The following CLUH variants were observed in gnomAD, a reference collection of about 807,000 sequenced individuals.
CLUH encodes clustered mitochondria protein homolog.
A neutral mutation model predicts 139.3 loss-of-function variants in CLUH; 77 were observed. The ratio of observed to expected loss-of-function variants is 0.55; its 90% CI spans 0.46 to 0.67. The LOEUF is 0.67. CLUH is among the 30% of genes least tolerant of loss of function. The pLI is 0.00. For synonymous variants in CLUH, 999 were observed against 801.6 expected (o/e 1.25, Z -4.16); for missense variants, 1,876 against 1,875.8 (o/e 1.00, Z 0.00).
In CLUH at chr17:2,701,143, T is replaced by G. The variant is rs1440666732; in HGVS notation, c.1022A>C (p.Lys341Thr). 1 of 1,613,928 alleles carries G rather than the reference T, an allele frequency of 6.2e-7. No homozygotes were observed. Among genetic ancestry groups the G allele is most frequent in the Non-Finnish European group, 8.5e-7 (1 of 1,179,876 alleles). Residue 341 changes from lysine (K) to threonine (T), a missense_variant, in exon 7 of 26, where the codon AAA becomes ACA. Lys to Thr is a moderately conservative substitution (Grantham distance 78, BLOSUM62 -1). Around this residue, in one of 3 missense-constraint regions of CLUH, gnomAD observed 270 missense variants for 354.7 expected, o/e 0.76. Coordinates refer to ENST00000651024, the MANE Select transcript of CLUH (RefSeq NM_001366661.1). Reference sequence around the variant, plus strand: ...CGGGAGGGGACAAAGGCACTACCTTTTCTTCTGCAGCACAGCGAAGTTCTT... The same window carrying G: ...CGGGAGGGGACAAAGGCACTACCTTGTCTTCTGCAGCACAGCGAAGTTCTT... Reference protein sequence around the residue: ...FKKNFAVLQKKRVQRHPFERI... With the variant: ...FKKNFAVLQKTRVQRHPFERI...
intron 13 of CLUH, 192 bp downstream of exon 13, chr17:2,695,967 T>G: frequency 1.7e-6 from 1 of 599,516 alleles, no homozygotes; most frequent in East Asian, 2.8e-5. Context: ...GCCCACACGG[T>G]GGGCTCAGCA....
chr17:2,692,486 G>A lies in CLUH; in HGVS notation c.3439-4C>T, dbSNP rs1484712774. The A allele has an allele frequency of 6.3e-7, 1 of 1,597,252 alleles. No individual in the cohort carries two copies. The highest frequency in any genetic ancestry group is 8.5e-7 in the Non-Finnish European group (1 of 1,175,476). On this transcript the variant is annotated splice_polypyrimidine_tract_variant and splice_region_variant and intron_variant, in intron 21 of 25. Coordinates refer to ENST00000651024, the MANE Select transcript of CLUH (RefSeq NM_001366661.1). ...GCAGCACCAGCCCGATGTTGTTCTG[G>A]GGGCAGGCGGTGGGGGGCCCTGGTC...
Position 2,698,039 on chromosome 17 carries a change from G to T in CLUH, c.1818C>A (p.Arg606=). The change falls in exon 10 of 26, where the codon CGC becomes CGA. Residue 606 remains arginine (R), a synonymous_variant. Transcript: ENST00000651024. ...GGAAGTTGAGGTCCGGGGGGAAGGT[G>T]CGCAGCAGGTCGAGGATGTAGTGGC... ...DGRHYILDLL[R]TFPPDLNFLP... is the part of the protein sequence containing the mutation. The T allele has an allele frequency of 6.2e-7, 1 of 1,606,092 alleles. No individual in the cohort carries two copies. Among genetic ancestry groups the T allele is most frequent in the Non-Finnish European group, 8.5e-7 (1 of 1,179,100 alleles).
At position 2,692,872 on chromosome 17, in the gene CLUH, C is replaced by G. The variant is rs2151694499; in HGVS notation, c.3232-12G>C. On this transcript the variant is annotated splice_polypyrimidine_tract_variant and intron_variant, in intron 19 of 25. Coordinates refer to ENST00000651024, the MANE Select transcript of CLUH (RefSeq NM_001366661.1). Reference sequence around the variant, plus strand: ...TGGTTACTCAGGGCCTGGGGAGAGACAGTGGTGGTTGCCGCGGCGTGGGAA... The same window carrying G: ...TGGTTACTCAGGGCCTGGGGAGAGAGAGTGGTGGTTGCCGCGGCGTGGGAA... 3 of 1,573,968 alleles carry G rather than the reference C, an allele frequency of 1.9e-6. No individual in the cohort carries two copies. The highest frequency in any genetic ancestry group is 2.3e-5 in the East Asian group (1 of 44,290).
chr17:2,694,452 C>T lies in CLUH; in HGVS notation c.2937+28G>A, dbSNP rs769350670. 18 of 1,539,902 alleles carry T rather than the reference C, an allele frequency of 1.2e-5. No homozygotes were observed. The South Asian group carries it at 1.8e-4, about 15-fold the overall frequency. On this transcript the variant is annotated intron_variant, in intron 17 of 25. Transcript: ENST00000651024. ...ACGCAGCGGGGACACAGCGGGGACACAGCGGGGATGCTGTGAGCCATGCCC... is the reference window on the plus strand; with the variant it reads ...ACGCAGCGGGGACACAGCGGGGACATAGCGGGGATGCTGTGAGCCATGCCC...
chr17:2,697,200 C>G (rs1343683784), intron 10 of CLUH, among the ~76,000 whole-genome samples: 1 of 152,110 alleles, frequency 6.6e-6, no homozygotes, highest in Non-Finnish European at 1.5e-5. Context: ...GAGTTCGAGA[C>G]CAGCCTGACC....
rs759649141 is a variant in CLUH, at chr17:2,692,389, C to T, written c.3532G>A (p.Gly1178Arg). The change falls in exon 22 of 26, where the codon GGG (glycine) becomes AGG (arginine). Residue 1178 changes from glycine to arginine, a missense_variant. Coordinates refer to ENST00000651024, the MANE Select transcript of CLUH (RefSeq NM_001366661.1). ...AGGGCCACCTTGAGGGCCTTGGGCC[C>T]GTGGTACTTGGTGCTGACGGCCAGC... Reference protein sequence around the residue: ...NALAVSTKYHGPKALKVALSH... With the variant: ...NALAVSTKYHRPKALKVALSH... The T allele has an allele frequency of 1.9e-6, 3 of 1,593,128 alleles. No individual in the cohort carries two copies. Among genetic ancestry groups the T allele is most frequent in the South Asian group, 1.1e-5 (1 of 89,816 alleles).
Position 2,698,150 on chromosome 17 carries a change from C to T in CLUH, c.1707G>A (p.Leu569=). ...LERTSRPLKI[L]RHQVLNDRDE... Reference sequence around the variant, plus strand: ...CACGGTCGTTGAGCACCTGGTGCCGCAGGATCTTGAGGGGCCGACTCGTGC... The same window carrying T: ...CACGGTCGTTGAGCACCTGGTGCCGTAGGATCTTGAGGGGCCGACTCGTGC... Residue 569 remains leucine (L), a synonymous_variant, in exon 10 of 26, where the codon CTG becomes CTA. Transcript: ENST00000651024. 6.3e-7 allele frequency: 1 copy of T among 1,581,450 alleles called. No individual in the cohort carries two copies.
At position 2,691,975 on chromosome 17, in the gene CLUH, CCCGCCCCCG is replaced by C. The variant is rs779845223; in HGVS notation, c.3654+20_3654+28del. 3 of 596,746 alleles carry C rather than the reference CCCGCCCCCG, an allele frequency of 5.0e-6. No homozygotes were observed. The South Asian group carries it at 1.4e-4, about 28-fold the overall frequency. The allele number at this position is 596,746 out of a possible 1,614,324, so 37.0% of individuals were successfully genotyped here. A position where few individuals can be genotyped will look rare whatever the true frequency, so the allele number is the denominator to read the frequency against. On this transcript the variant is annotated intron_variant, in intron 23 of 25. Transcript: ENST00000651024. ...CGCCCCGCCACGCCCCCGCCCCGCC[CCCGCCCCCG>C]CCACGCCCCCGCCGCGCACCTGCGT...
chr17:2,692,862 TG>T lies in CLUH; in HGVS notation c.3232-3del. On this transcript the variant is annotated splice_region_variant and splice_polypyrimidine_tract_variant and intron_variant, in intron 19 of 25. Coordinates refer to ENST00000651024, the MANE Select transcript of CLUH (RefSeq NM_001366661.1). The stretch of plus-strand genomic sequence containing the variant: ...CGCCTTCTGCTGGTTACTCAGGGCC[TG>T]GGGAGAGACAGTGGTGGTTGCCGCG... The T allele has an allele frequency of 6.3e-7, 1 of 1,588,258 alleles. No individual in the cohort carries two copies. Among genetic ancestry groups the T allele is most frequent in the East Asian group, 2.3e-5 (1 of 44,432 alleles).
At chr17:2,692,736 C>T in intron 20 of CLUH, 40 bp from the exon 21 acceptor site, 1 of 1,601,014 alleles carries the variant, frequency 6.2e-7, no homozygotes, top group African/African-American at 1.3e-5. Flanking sequence ...GGCCGCGGAC[C>T]CAGCCCCTCG....
chr17:2,700,269 C>CT, intron 9 of CLUH, 113 bp downstream of exon 9: 1 of 973,222 alleles, frequency 1.0e-6, no homozygotes, highest in Non-Finnish European at 1.5e-6. Flanking sequence ...TTCGGGGAAC[C>CT]TGACAGGGTT....
Position 2,692,875 on chromosome 17 carries a change from TG to T in CLUH, c.3232-16del. On this transcript the variant is annotated splice_polypyrimidine_tract_variant and intron_variant, in intron 19 of 25. Coordinates refer to ENST00000651024, the MANE Select transcript of CLUH (RefSeq NM_001366661.1). ...TTACTCAGGGCCTGGGGAGAGACAG[TG>T]GTGGTTGCCGCGGCGTGGGAACCCC... 6.4e-7 allele frequency: 1 copy of T among 1,568,728 alleles called. No homozygotes were observed.
At chr17:2,692,127 A>T in intron 22 of CLUH, 30 bp from the exon 23 acceptor site, 1 of 1,567,554 alleles carries the variant, frequency 6.4e-7, no homozygotes, top group Non-Finnish European at 8.7e-7. Flanking sequence ...GGGGCGAGGG[A>T]AGGGCATAAG....
At position 2,696,918 on chromosome 17, in the gene CLUH, G is replaced by A. The variant is rs370388930; in HGVS notation, c.1986C>T (p.Ala662=). ...CGTTCTGCTGCATCAGCTGCAAGGC[G>A]GCCAGCTTCATAAAGAGGAGGTACC... The part of the protein sequence containing the change: ...EHRYLLFMKL[A]ALQLMQQNAS... Residue 662 remains alanine, a synonymous_variant, in exon 11 of 26, where the codon GCC becomes GCT. Coordinates refer to ENST00000651024, the MANE Select transcript of CLUH (RefSeq NM_001366661.1). The A allele has an allele frequency of 2.5e-5, 40 of 1,601,534 alleles. No individual in the cohort carries two copies. The African/African-American group carries it at 2.8e-4, about 11-fold the overall frequency.
chr17:2,704,321 A>C lies in CLUH; in HGVS notation c.303+41T>G. The C allele has an allele frequency of 6.3e-7, 1 of 1,579,486 alleles. No individual in the cohort carries two copies. The highest frequency in any genetic ancestry group is 8.6e-7 in the Non-Finnish European group (1 of 1,160,030). On this transcript the variant is annotated intron_variant, in intron 2 of 25. Transcript: ENST00000651024. The surrounding 1 kb of genome is among the most constrained non-coding windows in gnomAD (Gnocchi z 5.7). The stretch of plus-strand genomic sequence containing the variant: ...AGCTTTCCAGCTCACCCTCCCCAGC[A>C]GGCTCAGGCCTGGCCCCCAGCACCC...
chr17:2,691,242 C>G (rs528963913), intron 25 of CLUH, among the ~76,000 whole-genome samples: 1 of 152,314 alleles, frequency 6.6e-6, no homozygotes, highest in East Asian at 1.9e-4. Context: ...AAGGTCTTCA[C>G]TCGCGGAATG....
chr17:2,696,091 G>A (rs376080451), intron 13 of CLUH, 68 bp downstream of exon 13: 2 of 1,295,150 alleles, frequency 1.5e-6, no homozygotes, highest in Non-Finnish European at 2.2e-6. Context: ...GGGCCTCCAA[G>A]TCGGAGACAG....
intron 1 of CLUH, among the ~76,000 whole-genome samples, chr17:2,705,073 C>A (rs980545713): frequency 6.6e-6 from 1 of 152,024 alleles, no homozygotes; most frequent in Admixed American, 6.5e-5. Context: ...ACTCCTGCCC[C>A]GTGGCTCACA....
Sources: gnomAD v4.1 joint callset for allele counts (sites outside exome capture counted in the v4.1 genomes callset) on GRCh38, gnomAD v4.1.1 for gene constraint, gnomAD v4.1.1 regional missense constraint, Gnocchi (gnomAD v3.1) non-coding constraint, MANE v1.5 for transcripts, NCBI Gene and HGNC (gene_info 2026-07-23, HGNC 2026-07-21) for gene names.